LARS2: variants seen among roughly 807,000 people sequenced by gnomAD.
LARS2 encodes leucyl-tRNA synthetase 2, mitochondrial.
LARS2 carries 81 observed loss-of-function variants against 116.6 expected under a neutral mutation model. The observed-to-expected ratio is 0.69, with a 90% CI of 0.58 to 0.84. The LOEUF is 0.84. Among genes scored for constraint, LARS2 ranks in the 40% least tolerant of loss-of-function variants. The pLI is 0.00. For synonymous variants in LARS2, 396 were observed against 407.2 expected (o/e 0.97, Z 0.33); for missense variants, 968 against 1,114.5 (o/e 0.87, Z 1.87).
intron 8 of LARS2, among the ~76,000 whole-genome samples, chr3:45,472,112 C>T (rs978614411): frequency 3.3e-5 from 5 of 152,082 alleles, no homozygotes; most frequent in African/African-American, 7.2e-5. Flanking sequence ...ATGAGAATGC[C>T]GGGGATCCAA....
intron 14 of LARS2, among the ~76,000 whole-genome samples, chr3:45,497,125 G>GTT (rs1023071133): frequency 6.8e-6 from 1 of 146,918 alleles, no homozygotes; most frequent in African/African-American, 2.5e-5. Context: ...GTATAAACAT[G>GTT]TTTTTTTTTT....
chr3:45,521,750 A>G (rs1700458051), intron 19 of LARS2, among the ~76,000 whole-genome samples: 1 of 152,152 alleles, frequency 6.6e-6, no homozygotes, highest in South Asian at 2.1e-4. Context: ...TTAAAACAAG[A>G]TGCTTTTGTT....
At chr3:45,405,142 T>TG (rs34311835) in intron 4 of LARS2, among the ~76,000 whole-genome samples, 64,624 of 151,132 alleles carry the variant, frequency 0.43, 15,480 homozygotes, top group Non-Finnish European at 0.56. Flanking sequence ...TTATACAAGA[T>TG]GGGGTCTCAC....
At chr3:45,542,088 T>C in intron 21 of LARS2, 132 bp downstream of exon 21, 1 of 1,169,872 alleles carries the variant, frequency 8.5e-7, no homozygotes, top group Non-Finnish European at 1.2e-6. Context: ...AGCCACACCT[T>C]GTGACCGGAA....
intron 4 of LARS2, among the ~76,000 whole-genome samples, chr3:45,404,502 A>G (rs1698201923): frequency 6.6e-6 from 1 of 152,076 alleles, no homozygotes; most frequent in Non-Finnish European, 1.5e-5. Context: ...ATAAACTTGG[A>G]CTCAAGTTTA....
At chr3:45,534,208 G>A (rs900522967) in intron 20 of LARS2, among the ~76,000 whole-genome samples, 1 of 152,088 alleles carries the variant, frequency 6.6e-6, no homozygotes, top group Non-Finnish European at 1.5e-5. Context: ...TGAGCAGCTG[G>A]GGACATAGCC....
Position 45,547,215 on chromosome 3 carries a change from TC to T in LARS2, c.2533-134del. On this transcript the variant is annotated intron_variant, in intron 21 of 21. Coordinates refer to ENST00000645846, the MANE Select transcript of LARS2 (RefSeq NM_015340.4). ...CCTTATGGGAAGCAGAGTGCTGACT[TC>T]CTCCTTTCTCCACCTCTATTCCTTT... is the stretch of plus-strand genomic sequence containing the variant. 5.4e-6 allele frequency: 4 copies of T among 745,442 alleles called. No homozygotes were observed. In the South Asian group the frequency reaches 7.9e-5, roughly 15 times the overall value. The allele number at this position is 745,442 out of a possible 1,614,324, so 46.2% of individuals were successfully genotyped here.
intron 15 of LARS2, among the ~76,000 whole-genome samples, chr3:45,504,959 A>C (rs374947967): frequency 3.2e-4 from 49 of 151,880 alleles, no homozygotes; most frequent in African/African-American, 1.2e-3. Flanking sequence ...ATGCGCCTGT[A>C]GCCCCCAGCT....
intron 6 of LARS2, among the ~76,000 whole-genome samples, chr3:45,423,459 C>T (rs1202891545): frequency 2.0e-5 from 3 of 152,114 alleles, no homozygotes; most frequent in East Asian, 1.9e-4. Context: ...ATTACAGGCA[C>T]GCACCACTAC....
intron 20 of LARS2, among the ~76,000 whole-genome samples, chr3:45,537,207 C>T (rs1449871069): frequency 2.0e-5 from 3 of 152,154 alleles, no homozygotes; most frequent in South Asian, 2.1e-4. Flanking sequence ...GTGTGTGACT[C>T]GTGATCTCCA....
chr3:45,436,763 C>T (rs564107952), intron 6 of LARS2, among the ~76,000 whole-genome samples: 1 of 145,518 alleles, frequency 6.9e-6, no homozygotes, highest in Admixed American at 7.0e-5. Flanking sequence ...CACTGCAGTC[C>T]GCAGTCCGGC....
intron 6 of LARS2, among the ~76,000 whole-genome samples, chr3:45,428,503 C>T (rs1698637452): frequency 6.6e-6 from 1 of 152,108 alleles, no homozygotes; most frequent in African/African-American, 2.4e-5. Flanking sequence ...CCTCAGCCTC[C>T]CAAAGTGCTG....
At chr3:45,432,640 C>T (rs542921260) in intron 6 of LARS2, among the ~76,000 whole-genome samples, 93 of 151,818 alleles carry the variant, frequency 6.1e-4, no homozygotes, top group African/African-American at 2.1e-3. Flanking sequence ...CAAAAAAGAG[C>T]AAAGTGGGAA....
intron 10 of LARS2, among the ~76,000 whole-genome samples, chr3:45,480,118 G>A (rs945954195): frequency 2.0e-5 from 3 of 152,156 alleles, no homozygotes; most frequent in African/African-American, 7.2e-5. Flanking sequence ...GTAATGGTTT[G>A]GTTTTCCATC....
chr3:45,463,002 A>C (rs1699358993), intron 8 of LARS2, among the ~76,000 whole-genome samples: 1 of 152,254 alleles, frequency 6.6e-6, no homozygotes, highest in Admixed American at 6.5e-5. Flanking sequence ...GAAAACTTGC[A>C]GTAGGAGTAT....
At position 45,549,205 on chromosome 3, in the gene LARS2, T is replaced by G. The variant is rs998683101; in HGVS notation, c.*1675T>G. ...AAAGTTTGAGAATCACTGGACACAT[T>G]GATGCACTTGAGCCATCATTTCTAT... On this transcript the variant is annotated 3_prime_UTR_variant, in exon 22 of 22. Coordinates refer to ENST00000645846, the MANE Select transcript of LARS2 (RefSeq NM_015340.4). 7 of 152,244 alleles carry G rather than the reference T, an allele frequency of 4.6e-5. No homozygotes were observed. Among genetic ancestry groups the G allele is most frequent in the African/African-American group, 1.7e-4 (7 of 41,460 alleles). The allele number at this position is 152,244 out of a possible 1,614,324, so 9.4% of individuals were successfully genotyped here. A position where few individuals can be genotyped will look rare whatever the true frequency, so the allele number is the denominator to read the frequency against.
rs1428169453 is a variant in LARS2 at position 45,428,954 on chromosome 3, CTGAG to C, written c.516+9227_516+9230del. ...CCCCAAAGTACTTCAGCATTCCTATCTGAGTAAGTAGGAGGTTTTCTGACACAGC... is the reference window on the plus strand; with the variant it reads ...CCCCAAAGTACTTCAGCATTCCTATCTAAGTAGGAGGTTTTCTGACACAGC... On this transcript the variant is annotated intron_variant, in intron 6 of 21. Coordinates refer to ENST00000645846, the MANE Select transcript of LARS2 (RefSeq NM_015340.4). Among the ~76,000 whole-genome samples the C allele has an allele frequency of 3.3e-5, 5 of 152,086 alleles. No individual in the cohort carries two copies. The South Asian group carries it at 1.0e-3, about 32-fold the overall frequency.
At chr3:45,430,904 G>A (rs1057009683) in intron 6 of LARS2, among the ~76,000 whole-genome samples, 10 of 152,096 alleles carry the variant, frequency 6.6e-5, no homozygotes, top group African/African-American at 2.2e-4. Flanking sequence ...TTTTTTAATG[G>A]TTGTTATGGA....
chr3:45,426,527 T>G (rs1698597437), intron 6 of LARS2, among the ~76,000 whole-genome samples: 1 of 152,224 alleles, frequency 6.6e-6, no homozygotes, highest in Non-Finnish European at 1.5e-5. Flanking sequence ...GTACCTTTGT[T>G]TTAGCTGAAA....
Sources: allele counts gnomAD v4.1 joint callset (sites outside exome capture counted in the v4.1 genomes callset), GRCh38; gene constraint gnomAD v4.1.1; transcripts MANE v1.5; gene names NCBI Gene and HGNC (gene_info 2026-07-23, HGNC 2026-07-21).